Variants in SHTN1 observed in about 807,000 individuals in gnomAD.
SHTN1 encodes the protein shootin-1.
In SHTN1, 42 loss-of-function variants were observed where a neutral mutation model predicts 83.1. That is an observed-to-expected ratio of 0.51 (90% CI 0.39 to 0.65). The LOEUF (loss-of-function observed/expected upper bound fraction) is 0.65, where lower values mean the gene tolerates loss of function less well. Among genes scored for constraint, SHTN1 ranks in the 30% least tolerant of loss-of-function variants. The pLI is 0.00. For synonymous variants in SHTN1, 224 were observed against 247.7 expected, an observed-to-expected ratio of 0.90 and a Z score of 0.90; for missense variants, 622 against 737.8, an observed-to-expected ratio of 0.84 and a Z score of 1.82.
At chr10:116,921,334 C>T in intron 12 of SHTN1, 100 bp downstream of exon 12, 1 of 787,336 alleles carries the variant, frequency 1.3e-6, no homozygotes, top group Non-Finnish European at 2.1e-6. Context: ...TCATACTACT[C>T]TCCCAACAAC....
In SHTN1 at chr10:116,921,481, G is replaced by C. The variant is rs1319877357; in HGVS notation, c.1148C>G (p.Pro383Arg). The C allele has an allele frequency of 1.2e-6, 2 of 1,613,606 alleles. No individual in the cohort carries two copies. The highest frequency in any genetic ancestry group is 1.7e-6 in the Non-Finnish European group (2 of 1,179,810). Residue 383 changes from proline (P) to arginine (R), a missense_variant, in exon 12 of 17, where the codon CCC becomes CGC. Around this residue, in one of 3 missense-constraint regions of SHTN1, gnomAD observed 383 missense variants for 455.8 expected, o/e 0.84. Transcript: ENST00000355371. ...LMSMIRKRSH[P>R]SGSGAKKEKA... ...TTCTTTCTTAGCACCACTGCCACTG[G>C]GGTGGGATCGTTTCCGGATCATGGA...
At chr10:116,894,795 A>G (rs1847456573) in intron 16 of SHTN1, among the ~76,000 whole-genome samples, 1 of 152,214 alleles carries the variant, frequency 6.6e-6, no homozygotes, top group African/African-American at 2.4e-5. Flanking sequence ...TATGGATGAA[A>G]AAGCTCAATT....
In SHTN1 at chr10:116,965,239, G is replaced by A. The variant is rs1041465593; in HGVS notation, c.172+3413C>T. Among the ~76,000 whole-genome samples the A allele has an allele frequency of 7.2e-5, 11 of 152,272 alleles. No homozygotes were observed. The East Asian group carries it at 7.7e-4, about 11-fold the overall frequency. On this transcript the variant is annotated intron_variant, in intron 3 of 16. Transcript: ENST00000355371. Reference sequence around the variant, plus strand: ...GTCAGCTGTTCCGTAGGCCTAGGCCGGGTGTGGTGGCTCACGCCTGTAATC... The same window carrying A: ...GTCAGCTGTTCCGTAGGCCTAGGCCAGGTGTGGTGGCTCACGCCTGTAATC...
chr10:117,020,005 C>T (rs1224548196), intron 2 of SHTN1, among the ~76,000 whole-genome samples: 1 of 152,042 alleles, frequency 6.6e-6, no homozygotes, highest in East Asian at 1.9e-4. Flanking sequence ...AATCAAAATT[C>T]CAGCAGGCTT....
chr10:116,914,114 C>G (rs1848296772), intron 13 of SHTN1, among the ~76,000 whole-genome samples: 1 of 152,180 alleles, frequency 6.6e-6, no homozygotes, highest in South Asian at 2.1e-4. Context: ...CATGTACAGC[C>G]CACACTATAG....
At chr10:116,896,801 CTTTTT>C (rs1230730641) in intron 16 of SHTN1, among the ~76,000 whole-genome samples, 1 of 121,712 alleles carries the variant, frequency 8.2e-6, no homozygotes. Flanking sequence ...TGATCAGGTA[CTTTTT>C]TTTTTTTTTT....
intron 1 of SHTN1, among the ~76,000 whole-genome samples, chr10:117,053,019 C>A (rs200671295): frequency 7.8e-4 from 9 of 11,480 alleles, no homozygotes; most frequent in East Asian, 2.8e-3. Flanking sequence ...GACTGTGTCT[C>A]AAAAAAAAAA....
At chr10:116,895,690 C>T (rs1169185776) in intron 16 of SHTN1, among the ~76,000 whole-genome samples, 1 of 152,122 alleles carries the variant, frequency 6.6e-6, no homozygotes, top group East Asian at 1.9e-4. Flanking sequence ...TTTCTTTCTC[C>T]TTCCTTAAGC....
At chr10:117,006,452 C>T (rs1434879030), upstream of SHTN1, among the ~76,000 whole-genome samples, 1 of 150,824 alleles carries the variant, frequency 6.6e-6, no homozygotes, top group East Asian at 2.0e-4. Context: ...TGTAGTCCCA[C>T]CTACTCGGGA....
At chr10:116,897,287 T>C (rs1847557135) in intron 16 of SHTN1, among the ~76,000 whole-genome samples, 1 of 152,260 alleles carries the variant, frequency 6.6e-6, no homozygotes, top group African/African-American at 2.4e-5. Context: ...TTTACATTTC[T>C]GGGTTTGTGT....
intron 2 of SHTN1, among the ~76,000 whole-genome samples, chr10:116,975,316 A>G (rs530742697): frequency 1.6e-4 from 25 of 152,310 alleles, no homozygotes; most frequent in African/African-American, 5.8e-4. Context: ...AGAGAGTTAG[A>G]GAAGACTTTG....
intron 2 of SHTN1, among the ~76,000 whole-genome samples, chr10:117,014,889 A>C (rs1852159918): frequency 6.6e-6 from 1 of 152,210 alleles, no homozygotes; most frequent in African/African-American, 2.4e-5. Context: ...GTTTTAAAAC[A>C]CCTAAAGTTT....
At chr10:116,992,891 T>G (rs1248565771) in intron 1 of SHTN1, among the ~76,000 whole-genome samples, 1 of 152,172 alleles carries the variant, frequency 6.6e-6, no homozygotes, top group Non-Finnish European at 1.5e-5. Flanking sequence ...CAACTGTCAT[T>G]TATAAATTAG....
intron 1 of SHTN1, among the ~76,000 whole-genome samples, chr10:117,098,113 G>A (rs1232151711): frequency 1.3e-5 from 2 of 151,824 alleles, no homozygotes; most frequent in Non-Finnish European, 2.9e-5. Context: ...CTGAGGCCGG[G>A]CGCGGTGGCT....
At chr10:117,083,939 C>T (rs1473778833) in intron 1 of SHTN1, among the ~76,000 whole-genome samples, 1 of 151,580 alleles carries the variant, frequency 6.6e-6, no homozygotes, top group African/African-American at 2.4e-5. Context: ...TCTAGTTATA[C>T]ATTCTTCTAA....
At chr10:117,083,373 T>C (rs1303568706) in intron 1 of SHTN1, among the ~76,000 whole-genome samples, 9 of 149,290 alleles carry the variant, frequency 6.0e-5, no homozygotes, top group Non-Finnish European at 1.2e-4. Context: ...CCCCACTCTC[T>C]TCTGGCTTGT....
chr10:117,011,964 C>A (rs1475391974), intron 2 of SHTN1, among the ~76,000 whole-genome samples: 1 of 151,932 alleles, frequency 6.6e-6, no homozygotes, highest in Non-Finnish European at 1.5e-5. Flanking sequence ...CACGGTGAAA[C>A]CCTGTCTCTA....
chr10:116,886,592 A>T (rs1343782901), intron 16 of SHTN1, 26 bp from the exon 17 acceptor site: 1 of 1,610,562 alleles, frequency 6.2e-7, no homozygotes, highest in South Asian at 1.1e-5. Flanking sequence ...TTAGACAAAA[A>T]AAGTAAAAAG....
intron 1 of SHTN1, among the ~76,000 whole-genome samples, chr10:117,096,662 T>G (rs1853506581): frequency 6.6e-6 from 1 of 152,238 alleles, no homozygotes; most frequent in Non-Finnish European, 1.5e-5. Context: ...TTTCTCCACC[T>G]CTTCCTACTT....
Sources: gnomAD v4.1 joint callset for allele counts (sites outside exome capture counted in the v4.1 genomes callset) on GRCh38, gnomAD v4.1.1 for gene constraint, gnomAD v4.1.1 regional missense constraint, MANE v1.5 for transcripts, NCBI Gene and HGNC (gene_info 2026-07-23, HGNC 2026-07-21) for gene names.